Variants in PTPRN2 observed in about 807,000 individuals in gnomAD.
PTPRN2 encodes protein tyrosine phosphatase receptor type N2, also known as receptor-type tyrosine-protein phosphatase N2.
In PTPRN2, 74 loss-of-function variants were observed where a neutral mutation model predicts 118.8. That is an observed-to-expected ratio of 0.62 (90% CI 0.52 to 0.76). PTPRN2 has a LOEUF of 0.76. Ranked by LOEUF, PTPRN2 falls within the 30% of genes least tolerant of loss-of-function variation. The pLI is 0.00. For missense variants in PTPRN2, 1,481 were observed against 1,394.4 expected (o/e 1.06, Z -0.99); for synonymous variants, 641 against 608.0 (o/e 1.05, Z -0.80).
At chr7:157,918,275 A>C (rs944132924) in intron 11 of PTPRN2, among the ~76,000 whole-genome samples, 2 of 152,234 alleles carry the variant, frequency 1.3e-5, no homozygotes, top group African/African-American at 4.8e-5. Context: ...TTGTTCTTGA[A>C]GTTGATAATG....
At chr7:157,592,765 A>T (rs1801062302) in intron 17 of PTPRN2, among the ~76,000 whole-genome samples, 1 of 143,018 alleles carries the variant, frequency 7.0e-6, no homozygotes, top group Non-Finnish European at 1.5e-5. Flanking sequence ...GCACCTACTG[A>T]ACCGAGGGTG....
rs564443383 is a variant in PTPRN2 at position 157,841,849 on chromosome 7, C to A, written c.1788+56824G>T. ...TCAGGAGAACACCCTGGATTCTGCG[C>A]TTTCCTTCCTGCGGGCCTGCAGCCT... On this transcript the variant is annotated intron_variant, in intron 12 of 22. Transcript: ENST00000389418. 2.6e-5 allele frequency among the ~76,000 whole-genome samples: 4 copies of A among 152,294 alleles called. No homozygotes were observed. In the South Asian group the frequency reaches 8.3e-4, roughly 32 times the overall value.
chr7:158,057,564 G>A (rs79298592), intron 11 of PTPRN2, among the ~76,000 whole-genome samples: 8 of 152,304 alleles, frequency 5.3e-5, no homozygotes, highest in South Asian at 2.1e-4. Context: ...CACACGTAAC[G>A]CTGTGGCACT....
intron 11 of PTPRN2, among the ~76,000 whole-genome samples, chr7:157,949,454 G>A (rs1418013709): frequency 6.6e-6 from 1 of 152,206 alleles, no homozygotes; most frequent in Non-Finnish European, 1.5e-5. Context: ...ATGGACAGGA[G>A]TTTATTCCTC....
intron 12 of PTPRN2, among the ~76,000 whole-genome samples, chr7:157,872,706 G>C (rs755092471): frequency 1.3e-5 from 2 of 152,272 alleles, no homozygotes; most frequent in Non-Finnish European, 2.9e-5. Flanking sequence ...CCATCTTGCA[G>C]GAGGTAGAAG....
chr7:157,833,242 A>C (rs1309107489), intron 12 of PTPRN2, among the ~76,000 whole-genome samples: 5 of 147,874 alleles, frequency 3.4e-5, no homozygotes, highest in Non-Finnish European at 5.9e-5. Context: ...GCCGGTGCCC[A>C]TCTATCCCAT....
intron 12 of PTPRN2, among the ~76,000 whole-genome samples, chr7:157,886,227 C>T (rs1247804647): frequency 6.6e-6 from 1 of 152,158 alleles, no homozygotes; most frequent in East Asian, 1.9e-4. Flanking sequence ...AAGACCCAGG[C>T]ACAAGGCGGG....
At chr7:158,464,970 G>A (rs1017921469) in intron 2 of PTPRN2, among the ~76,000 whole-genome samples, 1 of 152,192 alleles carries the variant, frequency 6.6e-6, no homozygotes, top group African/African-American at 2.4e-5. Context: ...TAGAGATAAG[G>A]GAGTTGAAGT....
Position 157,849,363 on chromosome 7 carries a change from C to T in PTPRN2, c.1788+49310G>A, listed in dbSNP as rs142164577. ...CGATTCATGTCAGACACTACGGGGC[C>T]GAGGCTCATGTGGGTGTGCGTCCTC... On this transcript the variant is annotated intron_variant, in intron 12 of 22. Transcript: ENST00000389418. Among the ~76,000 whole-genome samples the T allele has an allele frequency of 1.8e-3, 279 of 152,216 alleles. 2 individuals carry two copies. Among genetic ancestry groups the T allele is most frequent in the African/African-American group, 6.3e-3 (263 of 41,516 alleles).
At chr7:157,573,851 A>T (rs958960477) in intron 19 of PTPRN2, among the ~76,000 whole-genome samples, 13 of 152,206 alleles carry the variant, frequency 8.5e-5, no homozygotes, top group Non-Finnish European at 1.8e-4. Flanking sequence ...TGTAATTTTC[A>T]TATCCGTACC....
intron 12 of PTPRN2, among the ~76,000 whole-genome samples, chr7:157,693,434 C>CG (rs999577632): frequency 3.9e-5 from 6 of 152,072 alleles, no homozygotes; most frequent in African/African-American, 1.4e-4. Flanking sequence ...GGGGTAGGCT[C>CG]GGGGAACGCG....
chr7:158,338,081 T>A (rs1586359969), intron 2 of PTPRN2, among the ~76,000 whole-genome samples: 1 of 6,228 alleles, frequency 1.6e-4, no homozygotes, highest in African/African-American at 2.6e-4. Context: ...ACACCCACAC[T>A]CTCACCATAA....
At chr7:157,570,410 A>G (rs1799699969) in intron 20 of PTPRN2, among the ~76,000 whole-genome samples, 1 of 152,258 alleles carries the variant, frequency 6.6e-6, no homozygotes, top group East Asian at 1.9e-4. Flanking sequence ...ACAGGAATGC[A>G]CACACAAAAC....
At chr7:157,709,696 C>T (rs777172932) in intron 12 of PTPRN2, among the ~76,000 whole-genome samples, 13 of 152,228 alleles carry the variant, frequency 8.5e-5, no homozygotes, top group Admixed American at 1.3e-4. Context: ...CCAGGAGCTG[C>T]GCCACACACC....
rs1230597190 is a variant in PTPRN2, at chr7:158,565,146, G to C, written c.112+22412C>G. Among the ~76,000 whole-genome samples the C allele has an allele frequency of 6.6e-6, 1 of 152,110 alleles. No individual in the cohort carries two copies. The highest frequency in any genetic ancestry group is 6.5e-5 in the Admixed American group (1 of 15,270). On this transcript the variant is annotated intron_variant, in intron 1 of 22. Coordinates refer to ENST00000389418, the MANE Select transcript of PTPRN2 (RefSeq NM_002847.5). This position sits in a 1 kb window ranked among gnomAD's most constrained non-coding sequence, Gnocchi z 4.6. ...GGCTTCTGCTCTATAAAACTATGAG[G>C]TTCCCAGGAACATGACACAGTCCGT...
intron 6 of PTPRN2, among the ~76,000 whole-genome samples, chr7:158,165,655 G>A (rs1003708675): frequency 2.6e-5 from 4 of 152,240 alleles, no homozygotes; most frequent in Non-Finnish European, 4.4e-5. Context: ...CTCACATAAC[G>A]CGATGCTCAG....
At chr7:157,713,912 C>T (rs911212716) in intron 12 of PTPRN2, among the ~76,000 whole-genome samples, 2 of 152,204 alleles carry the variant, frequency 1.3e-5, no homozygotes, top group African/African-American at 2.4e-5. Flanking sequence ...CCTCGCTCCC[C>T]TTCACGAAGG....
intron 2 of PTPRN2, among the ~76,000 whole-genome samples, chr7:158,430,356 G>A (rs890793716): frequency 3.3e-5 from 5 of 152,234 alleles, no homozygotes; most frequent in African/African-American, 1.2e-4. Context: ...AGGCTGAGGG[G>A]CCTGTAGACC....
chr7:157,569,651 T>A lies in PTPRN2; in HGVS notation c.2838-685A>T, dbSNP rs540507809. Among the ~76,000 whole-genome samples the A allele has an allele frequency of 3.4e-4, 52 of 152,228 alleles. No homozygotes were observed. The South Asian group carries it at 3.9e-3, about 12-fold the overall frequency. ...TTCAACAGTAGCAAAGGAAAAAAAA[T>A]TTCCCTTTTTTTCTGGAAGAAGAGT... On this transcript the variant is annotated intron_variant, in intron 20 of 22. Coordinates refer to ENST00000389418, the MANE Select transcript of PTPRN2 (RefSeq NM_002847.5).
Sources: gnomAD v4.1 joint callset for allele counts (sites outside exome capture counted in the v4.1 genomes callset) on GRCh38, gnomAD v4.1.1 for gene constraint, Gnocchi (gnomAD v3.1) non-coding constraint, MANE v1.5 for transcripts, NCBI Gene and HGNC (gene_info 2026-07-23, HGNC 2026-07-21) for gene names.